Variants in BCAR3 observed in about 807,000 individuals in gnomAD.
The protein encoded by BCAR3 is breast cancer anti-estrogen resistance protein 3.
A neutral mutation model predicts 80.1 loss-of-function variants in BCAR3; 37 were observed. The observed-to-expected ratio is 0.46, with a 90% CI of 0.36 to 0.61. BCAR3 has a LOEUF of 0.61. Ranked by LOEUF, BCAR3 falls within the 20% of genes least tolerant of loss-of-function variation. The probability of loss-of-function intolerance (pLI) is 0.00; values close to 1 mark genes in which losing one functional copy is unlikely to be tolerated. For synonymous variants in BCAR3, 389 were observed against 418.9 expected (o/e 0.93, Z 0.87); for missense variants, 978 against 1,068.2 (o/e 0.92, Z 1.18).
At position 93,589,244 on chromosome 1, in the gene BCAR3, A is replaced by C. The variant is rs756840770; in HGVS notation, c.662T>G (p.Met221Arg). ...GCCGGGGATGGAGTCGAAGCTCTCC[A>C]TCTCGAACTGGTACTGCACGCGGCT... is the stretch of plus-strand genomic sequence containing the variant. Reference protein sequence around the residue: ...AYSRVQYQFEMESFDSIPGLV... With the variant: ...AYSRVQYQFERESFDSIPGLV... Residue 221 changes from methionine (M) to arginine (R), a missense_variant, in exon 5 of 12, where the codon ATG (methionine) becomes AGG (arginine). Transcript: ENST00000260502. 10 of 1,614,058 alleles carry C rather than the reference A, an allele frequency of 6.2e-6. No homozygotes were observed. The highest frequency in any genetic ancestry group is 1.3e-5 in the African/African-American group (1 of 74,938).
At chr1:93,719,067 C>T (rs1181584988) in intron 2 of BCAR3, among the ~76,000 whole-genome samples, 7 of 152,050 alleles carry the variant, frequency 4.6e-5, no homozygotes, top group African/African-American at 1.7e-4. Flanking sequence ...CACTTGCCTC[C>T]CCAGACCACC....
rs1672683100 is a variant in BCAR3, at chr1:93,561,775, A to T, written c.*466T>A. On this transcript the variant is annotated 3_prime_UTR_variant, in exon 12 of 12. Coordinates refer to ENST00000260502, the MANE Select transcript of BCAR3 (RefSeq NM_003567.4). ...CAAGATGAGTTGTTTAATATGAAAG[A>T]GACTGGATACAACTGTTTCACAAAA... The T allele has an allele frequency of 6.5e-6, 1 of 152,888 alleles. No individual in the cohort carries two copies. The highest frequency in any genetic ancestry group is 1.5e-5 in the Non-Finnish European group (1 of 68,212). The allele number at this position is 152,888 out of a possible 1,614,324, so 9.5% of individuals were successfully genotyped here.
At chr1:93,604,554 T>C (rs1674717972) in intron 3 of BCAR3, among the ~76,000 whole-genome samples, 1 of 152,224 alleles carries the variant, frequency 6.6e-6, no homozygotes, top group African/African-American at 2.4e-5. Flanking sequence ...TAATCCTACA[T>C]GACAAACTAA....
chr1:93,627,119 T>G (rs1419672536), intron 3 of BCAR3, among the ~76,000 whole-genome samples: 1 of 152,244 alleles, frequency 6.6e-6, no homozygotes, highest in Non-Finnish European at 1.5e-5. Flanking sequence ...TCCAATACTT[T>G]AATGATTTTT....
At chr1:93,665,765 T>C (rs1284647125) in intron 2 of BCAR3, among the ~76,000 whole-genome samples, 2 of 152,156 alleles carry the variant, frequency 1.3e-5, no homozygotes, top group East Asian at 3.8e-4. Flanking sequence ...ACAGAAGTCC[T>C]GATTCTCAGC....
intron 2 of BCAR3, among the ~76,000 whole-genome samples, chr1:93,821,020 G>A (rs894567614): frequency 5.3e-5 from 8 of 152,094 alleles, no homozygotes; most frequent in African/African-American, 1.9e-4. Context: ...AAAAACTCCT[G>A]TCACCCCTAT....
chr1:93,655,986 G>C (rs973084484), intron 2 of BCAR3, among the ~76,000 whole-genome samples: 2 of 152,172 alleles, frequency 1.3e-5, no homozygotes, highest in African/African-American at 4.8e-5. Context: ...TCTTCGTGCA[G>C]GACATTCTCT....
chr1:93,606,492 C>A (rs546681651), intron 3 of BCAR3, among the ~76,000 whole-genome samples: 1 of 152,248 alleles, frequency 6.6e-6, no homozygotes, highest in East Asian at 1.9e-4. Flanking sequence ...GAGGAAGGGG[C>A]ATGGGCATTC....
At chr1:93,805,278 C>A (rs1653619621) in intron 2 of BCAR3, among the ~76,000 whole-genome samples, 1 of 152,174 alleles carries the variant, frequency 6.6e-6, no homozygotes. Flanking sequence ...ACTAATACAG[C>A]AGGGTGGAGT....
At chr1:93,824,688 C>A (rs1268107164) in intron 2 of BCAR3, among the ~76,000 whole-genome samples, 2 of 133,260 alleles carry the variant, frequency 1.5e-5, no homozygotes, top group Non-Finnish European at 3.4e-5. Flanking sequence ...TGGCTTTATT[C>A]CTCCCAGGCT....
intron 2 of BCAR3, among the ~76,000 whole-genome samples, chr1:93,722,602 G>A (rs778367556): frequency 5.9e-5 from 9 of 152,244 alleles, no homozygotes; most frequent in Non-Finnish European, 7.4e-5. Flanking sequence ...CACACGAGAC[G>A]TTGCCAGGTT....
chr1:93,564,562 GC>G (rs1353680385), intron 11 of BCAR3, among the ~76,000 whole-genome samples: 2 of 152,148 alleles, frequency 1.3e-5, no homozygotes, highest in East Asian at 3.9e-4. Flanking sequence ...ACAGGCGTGA[GC>G]CACCGTGCCT....
chr1:93,639,394 C>A (rs1284870389), intron 3 of BCAR3, among the ~76,000 whole-genome samples: 6 of 152,100 alleles, frequency 3.9e-5, no homozygotes, highest in Non-Finnish European at 8.8e-5. Context: ...AGGAGGCAGT[C>A]CCAGACCTCT....
At chr1:93,624,319 C>T (rs1675395950) in intron 3 of BCAR3, among the ~76,000 whole-genome samples, 1 of 152,226 alleles carries the variant, frequency 6.6e-6, no homozygotes, top group African/African-American at 2.4e-5. Context: ...GTACAGTCAC[C>T]TGCGAGGGCA....
chr1:93,821,219 G>T (rs1471244553), intron 2 of BCAR3, among the ~76,000 whole-genome samples: 1 of 152,168 alleles, frequency 6.6e-6, no homozygotes, highest in Non-Finnish European at 1.5e-5. Flanking sequence ...CCTCCCTTGA[G>T]ACTCCCTCAG....
At chr1:93,762,994 G>A (rs1652007583) in intron 2 of BCAR3, among the ~76,000 whole-genome samples, 1 of 152,254 alleles carries the variant, frequency 6.6e-6, no homozygotes. Context: ...TCTCTACACT[G>A]TGGGGTTCAT....
intron 2 of BCAR3, among the ~76,000 whole-genome samples, chr1:93,736,880 T>C (rs974188537): frequency 6.6e-6 from 1 of 152,238 alleles, no homozygotes; most frequent in Non-Finnish European, 1.5e-5. Context: ...GCTTTTGCAT[T>C]TTATGCTATA....
chr1:93,603,946 T>A (rs1674699271), intron 3 of BCAR3, among the ~76,000 whole-genome samples: 1 of 152,256 alleles, frequency 6.6e-6, no homozygotes, highest in Non-Finnish European at 1.5e-5. Flanking sequence ...AAAATTTCAA[T>A]AAGTTTTAGC....
At chr1:93,562,904 G>A (rs1363157270) in intron 11 of BCAR3, among the ~76,000 whole-genome samples, 2 of 151,920 alleles carry the variant, frequency 1.3e-5, no homozygotes, top group African/African-American at 2.4e-5. Flanking sequence ...AGGGAGAGCA[G>A]AGCCCCACCC....
Sources: gnomAD v4.1 joint callset for allele counts (sites outside exome capture counted in the v4.1 genomes callset) on GRCh38, gnomAD v4.1.1 for gene constraint, MANE v1.5 for transcripts, NCBI Gene and HGNC (gene_info 2026-07-23, HGNC 2026-07-21) for gene names.